The following DPP6 variants were observed in gnomAD, a reference collection of about 807,000 sequenced individuals.
DPP6 encodes A-type potassium channel modulatory protein DPP6.
Under a neutral mutation model 122.6 loss-of-function variants are expected in DPP6, and 69 were observed. The ratio of observed to expected loss-of-function variants is 0.56; its 90% CI spans 0.46 to 0.69. DPP6 has a LOEUF of 0.69. Among genes scored for constraint, DPP6 ranks in the 30% least tolerant of loss-of-function variants. DPP6 has a pLI of 0.00. For missense variants in DPP6, 928 were observed against 1,116.9 expected (o/e 0.83, Z 2.41); for synonymous variants, 418 against 433.1 (o/e 0.97, Z 0.43).
At chr7:154,679,614 G>C (rs958858875) in intron 7 of DPP6, among the ~76,000 whole-genome samples, 1 of 152,208 alleles carries the variant, frequency 6.6e-6, no homozygotes, top group African/African-American at 2.4e-5. Flanking sequence ...ATCCAGCGAG[G>C]GGAGGAAGAT....
At chr7:154,521,146 A>T (rs1460825362) in intron 3 of DPP6, among the ~76,000 whole-genome samples, 1 of 152,216 alleles carries the variant, frequency 6.6e-6, no homozygotes, top group Non-Finnish European at 1.5e-5. Context: ...GTATATGCGA[A>T]GTCCTTTTGT....
At chr7:153,887,442 TTTTC>T (rs967769255) in exon 1 of DPP6, 28 of 459,242 alleles carry the variant, frequency 6.1e-5, no homozygotes, top group East Asian at 4.6e-4. Context: ...TCCAGGCTTT[TTTTC>T]TTTCTTTCTT....
chr7:154,181,747 CT>C (rs1798096655), intron 1 of DPP6, among the ~76,000 whole-genome samples: 1 of 146,322 alleles, frequency 6.8e-6, no homozygotes, highest in Admixed American at 6.8e-5. Flanking sequence ...ATGCATCTCC[CT>C]CTTTTTTTTT....
At chr7:154,520,533 C>T (rs562196190) in intron 3 of DPP6, among the ~76,000 whole-genome samples, 15 of 152,358 alleles carry the variant, frequency 9.8e-5, no homozygotes, top group East Asian at 5.8e-4. Flanking sequence ...CTGTCCCTTA[C>T]GCCTGGAGCT....
At chr7:154,250,184 C>A (rs1406502097) in intron 1 of DPP6, among the ~76,000 whole-genome samples, 1 of 152,118 alleles carries the variant, frequency 6.6e-6, no homozygotes, top group Non-Finnish European at 1.5e-5. Context: ...ACAGGAATTG[C>A]TCACTCGGGA....
the DPP6 span, among the ~76,000 whole-genome samples, chr7:153,801,575 G>T: frequency 3.9e-5 from 6 of 152,190 alleles, no homozygotes; most frequent in African/African-American, 1.4e-4. Context: ...GGCCACTCCA[G>T]CCGCTCTGCT....
chr7:153,822,544 C>G, the DPP6 span, among the ~76,000 whole-genome samples: 2 of 152,154 alleles, frequency 1.3e-5, no homozygotes, highest in Non-Finnish European at 2.9e-5. Flanking sequence ...CTTCCCCAAA[C>G]AGAGTAACCT....
At chr7:154,438,295 G>A (rs985940893) in intron 1 of DPP6, among the ~76,000 whole-genome samples, 2 of 151,422 alleles carry the variant, frequency 1.3e-5, no homozygotes, top group South Asian at 2.1e-4. Context: ...GTGAAACCCC[G>A]TCTCGACTAA....
intron 1 of DPP6, among the ~76,000 whole-genome samples, chr7:154,325,381 C>G (rs576168720): frequency 5.3e-5 from 8 of 152,210 alleles, no homozygotes; most frequent in Non-Finnish European, 1.2e-4. Context: ...ACAAAAAATA[C>G]TTGCTTTCCA....
rs67024586 is a variant in DPP6, at chr7:154,760,023, C to T, written c.884-9394C>T. Among the ~76,000 whole-genome samples, 26,535 of 151,886 alleles carry T rather than the reference C, an allele frequency of 0.17. 2,381 individuals carry two copies. The highest frequency in any genetic ancestry group is 0.23 in the Middle Eastern group (67 of 294). ...CTGTAGTCCCAGCTACTCGGGAGGC[C>T]GAGGCAGAAGAATCACTTGAACCCA... On this transcript the variant is annotated intron_variant, in intron 8 of 25. Coordinates refer to ENST00000377770, the MANE Select transcript of DPP6 (RefSeq NM_130797.4). The surrounding 1 kb of genome is among the most constrained non-coding windows in gnomAD (Gnocchi z 4.5).
chr7:154,872,575 C>T (rs757305370), intron 18 of DPP6, 49 bp from the exon 19 acceptor site: 15 of 1,559,126 alleles, frequency 9.6e-6, no homozygotes, highest in African/African-American at 9.5e-5. Context: ...CCCGATACCC[C>T]GTGGCCAGCA....
intron 1 of DPP6, among the ~76,000 whole-genome samples, chr7:154,023,909 G>T (rs3852280): frequency 1.3e-5 from 2 of 151,958 alleles, no homozygotes; most frequent in Non-Finnish European, 2.9e-5. Context: ...TCTCTGTTAA[G>T]AATAAATTCA....
chr7:153,763,947 T>C, the DPP6 span, among the ~76,000 whole-genome samples: 1 of 152,170 alleles, frequency 6.6e-6, no homozygotes, highest in Non-Finnish European at 1.5e-5. Flanking sequence ...ATCTCCACCC[T>C]TTCATGAATT....
At chr7:154,322,891 C>T (rs999411000) in intron 1 of DPP6, among the ~76,000 whole-genome samples, 14 of 152,088 alleles carry the variant, frequency 9.2e-5, no homozygotes, top group African/African-American at 7.2e-5. Context: ...ACGTTATCAA[C>T]CTGGTTTCAA....
intron 4 of DPP6, among the ~76,000 whole-genome samples, chr7:154,565,310 A>G (rs566405310): frequency 6.6e-6 from 1 of 152,334 alleles, no homozygotes; most frequent in African/African-American, 2.4e-5. Context: ...TGATGACTTT[A>G]TAGAACAAAG....
intron 3 of DPP6, among the ~76,000 whole-genome samples, chr7:154,508,892 C>CT (rs1209011975): frequency 2.6e-5 from 4 of 152,080 alleles, no homozygotes; most frequent in Admixed American, 6.6e-5. Context: ...ATGTTAATAT[C>CT]TTTTTTTACA....
At chr7:154,001,313 C>T (rs899274063) in intron 1 of DPP6, among the ~76,000 whole-genome samples, 1 of 148,346 alleles carries the variant, frequency 6.7e-6, no homozygotes, top group African/African-American at 2.5e-5. Context: ...TCTTTTCATG[C>T]CCTAATCAAT....
At chr7:154,490,368 A>G (rs1824172419) in intron 3 of DPP6, among the ~76,000 whole-genome samples, 1 of 152,222 alleles carries the variant, frequency 6.6e-6, no homozygotes, top group Admixed American at 6.5e-5. Flanking sequence ...CCGTGGCTAC[A>G]TCCAAAGCAC....
the DPP6 span, among the ~76,000 whole-genome samples, chr7:153,871,353 G>C: frequency 3.6e-3 from 541 of 152,278 alleles, 6 homozygotes; most frequent in African/African-American, 0.013. Context: ...GGCAATGGTG[G>C]GCGCCCCTCC....
Sources: allele counts gnomAD v4.1 joint callset (sites outside exome capture counted in the v4.1 genomes callset), GRCh38; gene constraint gnomAD v4.1.1; non-coding constraint Gnocchi (gnomAD v3.1); transcripts MANE v1.5; gene names NCBI Gene and HGNC (gene_info 2026-07-23, HGNC 2026-07-21).